Variants in IGBP1 observed in about 807,000 individuals in gnomAD.
The protein encoded by IGBP1 is immunoglobulin-binding protein 1.
Under a neutral mutation model 25.9 loss-of-function variants are expected in IGBP1, and 2 were observed. The ratio of observed to expected loss-of-function variants is 0.08; its 90% CI spans 0.03 to 0.24. The LOEUF is 0.24. Ranked by LOEUF, IGBP1 falls within the 10% of genes least tolerant of loss-of-function variation. The pLI, the probability that IGBP1 is intolerant of heterozygous loss-of-function variation, is 1.00. For missense variants in IGBP1, 187 were observed against 260.4 expected (o/e 0.72, Z 1.94); for synonymous variants, 96 against 93.4 (o/e 1.03, Z -0.16).
At chrX:70,151,785 G>A (rs1280501440) in intron 6 of IGBP1, among the ~76,000 whole-genome samples, 1 of 110,753 alleles carries the variant, frequency 9.0e-6, no homozygotes, top group Non-Finnish European at 1.9e-5. Flanking sequence ...GGCTGAGGTG[G>A]TAGGATCATG....
intron 3 of IGBP1, among the ~76,000 whole-genome samples, chrX:70,137,476 G>A (rs1000831562): frequency 5.4e-5 from 6 of 110,746 alleles, no homozygotes; most frequent in Non-Finnish European, 1.1e-4. Flanking sequence ...CTTCCTGTGG[G>A]GCTGTTCTAG....
intron 3 of IGBP1, among the ~76,000 whole-genome samples, chrX:70,142,977 G>A (rs762526169): frequency 5.9e-4 from 55 of 93,634 alleles, no homozygotes; most frequent in African/African-American, 2.0e-3. Context: ...AGGCTGGAGT[G>A]CCGTGGCGCG....
intron 6 of IGBP1, among the ~76,000 whole-genome samples, chrX:70,153,342 G>A (rs1286624778): frequency 8.9e-6 from 1 of 112,285 alleles, no homozygotes; most frequent in Admixed American, 9.4e-5. Context: ...AATGGTATCA[G>A]ATAGAAATGT....
chrX:70,160,359 TAGTA>T (rs1029287424), intron 6 of IGBP1, among the ~76,000 whole-genome samples: 5 of 111,820 alleles, frequency 4.5e-5, no homozygotes, highest in African/African-American at 6.5e-5. Flanking sequence ...TCAGTAAAAA[TAGTA>T]AGTGATTTAT....
Position 70,166,185 on chromosome X carries a change from A to G in IGBP1, c.*204A>G, listed in dbSNP as rs2085296844. 2.4e-6 allele frequency: 1 copy of G among 415,906 alleles called. No homozygotes were observed. Among genetic ancestry groups the G allele is most frequent in the African/African-American group, 2.5e-5 (1 of 40,642 alleles). The allele number at this position is 415,906 out of a possible 1,213,427, so 34.3% of individuals were successfully genotyped here. A position where few individuals can be genotyped will look rare whatever the true frequency, so the allele number is the denominator to read the frequency against. ...TATGAACCAGCAGTCTTGTTTTGGCATCATCCTCATCATGTTGTATTCCAG... is the reference window on the plus strand; with the variant it reads ...TATGAACCAGCAGTCTTGTTTTGGCGTCATCCTCATCATGTTGTATTCCAG... On this transcript the variant is annotated 3_prime_UTR_variant, in exon 7 of 7. Transcript: ENST00000356413.
At chrX:70,155,976 T>A (rs1226000882) in intron 6 of IGBP1, among the ~76,000 whole-genome samples, 1 of 111,656 alleles carries the variant, frequency 9.0e-6, no homozygotes, top group African/African-American at 3.3e-5. Context: ...CCAATTTCAA[T>A]ATTGTTGTGT....
In IGBP1 at chrX:70,134,041, C is replaced by A. The variant is rs747745949; in HGVS notation, c.94C>A (p.Pro32Thr). Residue 32 changes from proline to threonine, a missense_variant, in exon 2 of 7, where the codon CCC (proline) becomes ACC (threonine). Pro to Thr is a conservative substitution (Grantham distance 38, BLOSUM62 -1). Coordinates refer to ENST00000356413, the MANE Select transcript of IGBP1 (RefSeq NM_001551.3). ...GGACGAAGTAGAAGTGGCGACTGAA[C>A]CCGCCGGTTCCCGGATAGTCCAGGA... ...LLDEVEVATE[P>T]AGSRIVQEKV... 3 of 1,210,934 alleles carry A rather than the reference C, an allele frequency of 2.5e-6. No homozygotes were observed. The highest frequency in any genetic ancestry group is 3.4e-6 in the Non-Finnish European group (3 of 894,551).
At chrX:70,161,096 C>G (rs1456274921) in intron 6 of IGBP1, among the ~76,000 whole-genome samples, 1 of 111,652 alleles carries the variant, frequency 9.0e-6, no homozygotes, top group Non-Finnish European at 1.9e-5. Context: ...GAAACAAGGA[C>G]CAGCCCAGTA....
In IGBP1 at chrX:70,133,562, C is replaced by T. The variant is rs765832830; in HGVS notation, c.-226+22C>T. The T allele has an allele frequency of 1.4e-3, 520 of 373,690 alleles. 1 individual carries two copies. Among genetic ancestry groups the T allele is most frequent in the Non-Finnish European group, 1.5e-3 (336 of 218,401 alleles). The allele number at this position is 373,690 out of a possible 1,213,427, so 30.8% of individuals were successfully genotyped here. A position where few individuals can be genotyped will look rare whatever the true frequency, so the allele number is the denominator to read the frequency against. ...CGAGGTAAGGGGCGCGCCAGACTGG[C>T]TCCTAAAACGCACTCGCTCGTCCGC... On this transcript the variant is annotated intron_variant, in intron 1 of 6. Transcript: ENST00000356413.
At chrX:70,158,742 C>A (rs1423055588) in intron 6 of IGBP1, among the ~76,000 whole-genome samples, 1 of 111,358 alleles carries the variant, frequency 9.0e-6, no homozygotes, top group Non-Finnish European at 1.9e-5. Flanking sequence ...ACTTGGGAGG[C>A]TGAGGCAGGA....
intron 6 of IGBP1, among the ~76,000 whole-genome samples, chrX:70,154,741 T>TAAAAAAAAAAAAAAAAAAAAAAAAAAAA (rs1177957926): frequency 3.6e-5 from 1 of 28,149 alleles, no homozygotes; most frequent in African/African-American, 1.1e-4. Context: ...AAAAAAGTTT[T>TAAAAAAAAAAAAAAAAAAAAAAAAAAAA]AAAAAACTAG....
intron 3 of IGBP1, among the ~76,000 whole-genome samples, chrX:70,140,186 C>T (rs1190187873): frequency 2.7e-5 from 3 of 112,271 alleles, no homozygotes; most frequent in African/African-American, 9.7e-5. Context: ...TCCCCTACTA[C>T]AGTATATACT....
At chrX:70,140,087 C>A (rs1484843160) in intron 3 of IGBP1, among the ~76,000 whole-genome samples, 1 of 112,553 alleles carries the variant, frequency 8.9e-6, no homozygotes, top group Non-Finnish European at 1.9e-5. Context: ...AAGTAGTTAA[C>A]AACTATTATT....
intron 6 of IGBP1, among the ~76,000 whole-genome samples, chrX:70,154,714 C>CAGAAAAAAA (rs2085227231): frequency 3.7e-5 from 1 of 27,106 alleles, no homozygotes; most frequent in Non-Finnish European, 5.6e-5. Flanking sequence ...CCCCTCTCCA[C>CAGAAAAAAA]AAAAAAAAAA....
At chrX:70,154,943 A>G (rs1352687262) in intron 6 of IGBP1, among the ~76,000 whole-genome samples, 2 of 109,925 alleles carry the variant, frequency 1.8e-5, no homozygotes, top group East Asian at 5.7e-4. Flanking sequence ...CAAAAACCTT[A>G]ACAGATAACC....
In IGBP1 at chrX:70,134,829, C is replaced by T. The variant is rs748335605; in HGVS notation, c.482+13C>T. ...CTAAAATACAGAGGTGGGTCAATAG[C>T]TATAATATGAGGCCTGCCCAATGGC... is the stretch of plus-strand genomic sequence containing the variant. On this transcript the variant is annotated intron_variant, in intron 3 of 6. Coordinates refer to ENST00000356413, the MANE Select transcript of IGBP1 (RefSeq NM_001551.3). The T allele has an allele frequency of 3.3e-6, 4 of 1,199,528 alleles. No individual in the cohort carries two copies. The highest frequency in any genetic ancestry group is 4.5e-6 in the Non-Finnish European group (4 of 885,237).
chrX:70,161,500 GATAGTCAA>G (rs1224571017), intron 6 of IGBP1, among the ~76,000 whole-genome samples: 1 of 111,281 alleles, frequency 9.0e-6, no homozygotes, highest in African/African-American at 3.3e-5. Flanking sequence ...GTAGTCAGAT[GATAGTCAA>G]CGTATGATGG....
intron 4 of IGBP1, among the ~76,000 whole-genome samples, chrX:70,148,391 T>C (rs1437576213): frequency 8.9e-6 from 1 of 112,190 alleles, no homozygotes; most frequent in Non-Finnish European, 1.9e-5. Flanking sequence ...ATTCAACTTT[T>C]TAACTGAAGG....
rs938380759 is a variant in IGBP1 at position 70,158,300 on chromosome X, G to A, written c.872-7533G>A. Among the ~76,000 whole-genome samples the A allele has an allele frequency of 4.5e-5, 5 of 111,605 alleles. No individual in the cohort carries two copies. In the East Asian group the frequency reaches 8.4e-4, roughly 19 times the overall value. On this transcript the variant is annotated intron_variant, in intron 6 of 6. Coordinates refer to ENST00000356413, the MANE Select transcript of IGBP1 (RefSeq NM_001551.3). ...ACTCACACTGAGGAGAAATTGCTGAGAGTAGAATTGAAATTAAGCAGGACA... is the reference window on the plus strand; with the variant it reads ...ACTCACACTGAGGAGAAATTGCTGAAAGTAGAATTGAAATTAAGCAGGACA...
Sources: allele counts gnomAD v4.1 joint callset (sites outside exome capture counted in the v4.1 genomes callset), GRCh38; gene constraint gnomAD v4.1.1; transcripts MANE v1.5; gene names NCBI Gene and HGNC (gene_info 2026-07-23, HGNC 2026-07-21).